Variants in UBN1 observed in about 807,000 individuals in gnomAD.
UBN1 encodes the protein ubinuclein-1.
UBN1 carries 17 observed loss-of-function variants against 108.5 expected under a neutral mutation model. The ratio of observed to expected loss-of-function variants is 0.16; its 90% CI spans 0.11 to 0.24. The LOEUF is 0.24. Among genes scored for constraint, UBN1 ranks in the 10% least tolerant of loss-of-function variants. The pLI is 1.00. For synonymous variants in UBN1, 726 were observed against 564.2 expected, an observed-to-expected ratio of 1.29 and a Z score of -4.07; for missense variants, 1,595 against 1,394.4, an observed-to-expected ratio of 1.14 and a Z score of -2.29.
At position 4,853,059 on chromosome 16, in the gene UBN1, A is replaced by G; in HGVS notation, c.142A>G (p.Thr48Ala). ...GCCGGCTGCAGCAGCTGTTCGGATTACACTCACCCTCTTTGAACCAGATCA... is the reference window on the plus strand; with the variant it reads ...GCCGGCTGCAGCAGCTGTTCGGATTGCACTCACCCTCTTTGAACCAGATCA... ...CEPAAAAVRITLTLFEPDHKR... is the reference protein window; with the variant it reads ...CEPAAAAVRIALTLFEPDHKR... Residue 48 changes from threonine to alanine, a missense_variant, in exon 2 of 18, where the codon ACA (threonine) becomes GCA (alanine). Around this residue, in one of 3 missense-constraint regions of UBN1, gnomAD observed 181 missense variants for 157.3 expected, o/e 1.15. Transcript: ENST00000262376. 1.9e-6 allele frequency: 3 copies of G among 1,614,234 alleles called. No homozygotes were observed. The highest frequency in any genetic ancestry group is 2.2e-5 in the East Asian group (1 of 44,884).
At position 4,877,242 on chromosome 16, in the gene UBN1, G is replaced by A. The variant is rs2087926064; in HGVS notation, c.3265+131G>A. 5 of 1,513,466 alleles carry A rather than the reference G, an allele frequency of 3.3e-6. No homozygotes were observed. In the Admixed American group the frequency reaches 6.1e-5, roughly 19 times the overall value. 93.8% of individuals were successfully genotyped at this position (1,513,466 alleles called of 1,614,324 possible). A position where few individuals can be genotyped will look rare whatever the true frequency, so the allele number is the denominator to read the frequency against. On this transcript the variant is annotated intron_variant, in intron 16 of 17. Transcript: ENST00000262376. This position sits in a 1 kb window ranked among gnomAD's most constrained non-coding sequence, Gnocchi z 4.3. ...TGTGGGGAACATCTCCGGGAACTGT[G>A]CCAAGCCCCCACTGCCCCTTTGGGT...
chr16:4,870,555 G>T lies in UBN1; in HGVS notation c.1351G>T (p.Ala451Ser). ...GGAGCCTCTCCAGAAGCTCAAGGAAGCCATTGGCAGGGCGATGCCAGAGCA... is the reference window on the plus strand; with the variant it reads ...GGAGCCTCTCCAGAAGCTCAAGGAATCCATTGGCAGGGCGATGCCAGAGCA... Reference protein sequence around the residue: ...LKEPLQKLKEAIGRAMPEQMA... With the variant: ...LKEPLQKLKESIGRAMPEQMA... Residue 451 changes from alanine (A) to serine (S), a missense_variant, in exon 10 of 18, where the codon GCC becomes TCC. Ala to Ser is a moderately conservative substitution (Grantham distance 99, BLOSUM62 1). Coordinates refer to ENST00000262376, the MANE Select transcript of UBN1 (RefSeq NM_001079514.3). The T allele has an allele frequency of 6.2e-7, 1 of 1,614,268 alleles. No individual in the cohort carries two copies. The highest frequency in any genetic ancestry group is 8.5e-7 in the Non-Finnish European group (1 of 1,180,048).
Position 4,859,903 on chromosome 16 carries a change from G to A in UBN1, c.606G>A (p.Lys202=). The part of the protein sequence containing the change: ...KLKEGGEKIK[K]KKKDDTYDKE... ...AGGAAGGTGGTGAGAAGATAAAGAA[G>A]AAGAAAAAAGATGACACTTATGACA... Residue 202 remains lysine, a synonymous_variant, in exon 6 of 18, where the codon AAG becomes AAA. Coordinates refer to ENST00000262376, the MANE Select transcript of UBN1 (RefSeq NM_001079514.3). 1 of 1,614,148 alleles carries A rather than the reference G, an allele frequency of 6.2e-7. No individual in the cohort carries two copies. The highest frequency in any genetic ancestry group is 8.5e-7 in the Non-Finnish European group (1 of 1,180,016).
In UBN1 at chr16:4,851,976, G is replaced by A. The variant is rs960498078; in HGVS notation, c.-39-903G>A. Among the ~76,000 whole-genome samples the A allele has an allele frequency of 3.5e-4, 53 of 152,130 alleles. 1 individual carries two copies. The highest frequency in any genetic ancestry group is 2.7e-3 in the Admixed American group (41 of 15,268). ...ATAATTTATGTATAATATCAAGAGCGCTTACAAGTCAATAAGAAAGTCACA... is the reference window on the plus strand; with the variant it reads ...ATAATTTATGTATAATATCAAGAGCACTTACAAGTCAATAAGAAAGTCACA... On this transcript the variant is annotated intron_variant, in intron 1 of 17. Transcript: ENST00000262376.
At position 4,877,545 on chromosome 16, in the gene UBN1, C is replaced by T. The variant is rs13332063; in HGVS notation, c.3355+71C>T. The T allele has an allele frequency of 1.2e-3, 1,772 of 1,501,030 alleles. 24 individuals carry two copies. In the African/African-American group the frequency reaches 0.022, roughly 19 times the overall value. The allele number at this position is 1,501,030 out of a possible 1,614,324, so 93.0% of individuals were successfully genotyped here. Reference sequence around the variant, plus strand: ...CCCTCTCCACCCCTAGGTGCTTTGCCGCTGCCAAGGGTCTTGGTGTCTTTG... The same window carrying T: ...CCCTCTCCACCCCTAGGTGCTTTGCTGCTGCCAAGGGTCTTGGTGTCTTTG... On this transcript the variant is annotated intron_variant, in intron 17 of 17. Coordinates refer to ENST00000262376, the MANE Select transcript of UBN1 (RefSeq NM_001079514.3). The surrounding 1 kb of genome is among the most constrained non-coding windows in gnomAD (Gnocchi z 4.3).
At chr16:4,862,606 G>A (rs8061479) in intron 7 of UBN1, among the ~76,000 whole-genome samples, 6,994 of 152,242 alleles carry the variant, frequency 0.046, 275 homozygotes, top group African/African-American at 0.1. Context: ...TGAAAGTCTT[G>A]TTAAATCATT....
rs528930954 is a variant in UBN1 at position 4,853,565 on chromosome 16, T to C, written c.249+399T>C. Reference sequence around the variant, plus strand: ...ACTGCCTTTTTTTTTTTCTTTCTTTTTTTTTTTTTCGAGACCGAGTCTCGC... The same window carrying C: ...ACTGCCTTTTTTTTTTTCTTTCTTTCTTTTTTTTTCGAGACCGAGTCTCGC... On this transcript the variant is annotated intron_variant, in intron 2 of 17. Coordinates refer to ENST00000262376, the MANE Select transcript of UBN1 (RefSeq NM_001079514.3). 2.3e-3 allele frequency among the ~76,000 whole-genome samples: 350 copies of C among 151,766 alleles called. 5 individuals are homozygous for C. In the Middle Eastern group the frequency reaches 0.027, roughly 12 times the overall value.
At chr16:4,854,165 C>A (rs2086685389) in intron 2 of UBN1, among the ~76,000 whole-genome samples, 1 of 152,072 alleles carries the variant, frequency 6.6e-6, no homozygotes, top group Admixed American at 6.6e-5. Context: ...TCCCGAGTAG[C>A]TGGGAGTGCA....
Position 4,858,001 on chromosome 16 carries a change from G to T in UBN1, c.261G>T (p.Leu87=), listed in dbSNP as rs1376477546. Residue 87 remains leucine, a synonymous_variant, in exon 3 of 18, where the codon CTG becomes CTT. Coordinates refer to ENST00000262376, the MANE Select transcript of UBN1 (RefSeq NM_001079514.3). ...CGATCTCTTTACAGAAGAAAGATCTGTCAGATCCTTTCAATGACGAAGAAA... is the reference window on the plus strand; with the variant it reads ...CGATCTCTTTACAGAAGAAAGATCTTTCAGATCCTTTCAATGACGAAGAAA... ...GLQPGDKKKD[L]SDPFNDEEKE... 3 of 1,612,442 alleles carry T rather than the reference G, an allele frequency of 1.9e-6. No homozygotes were observed. The highest frequency in any genetic ancestry group is 2.2e-5 in the South Asian group (2 of 90,974).
In UBN1 at chr16:4,860,976, C is replaced by T. The variant is rs918135985; in HGVS notation, c.984C>T (p.Pro328=). 1.2e-5 allele frequency: 20 copies of T among 1,614,266 alleles called. No individual in the cohort carries two copies. Among genetic ancestry groups the T allele is most frequent in the Non-Finnish European group, 1.2e-5 (14 of 1,180,052 alleles). ...TCAGTGAGTCTCCAGAAGGAAGTCC[C>T]TTCCGAGATATGGATGATGGAAGTG... The part of the protein sequence containing the change: ...HLLSESPEGS[P]FRDMDDGSDS... Residue 328 remains proline, a synonymous_variant, in exon 7 of 18, where the codon CCC becomes CCT. Coordinates refer to ENST00000262376, the MANE Select transcript of UBN1 (RefSeq NM_001079514.3).
chr16:4,868,470 G>A (rs894734814), intron 7 of UBN1, among the ~76,000 whole-genome samples: 1 of 152,274 alleles, frequency 6.6e-6, no homozygotes, highest in Non-Finnish European at 1.5e-5. Flanking sequence ...GAATATTTTT[G>A]TACTGTAGAT....
Position 4,853,038 on chromosome 16 carries a change from G to T in UBN1, c.121G>T (p.Ala41Ser). ...AGEQHQDCEP[A>S]AAAVRITLTL... Reference sequence around the variant, plus strand: ...AGAACAGCATCAGGACTGTGAGCCGGCTGCAGCAGCTGTTCGGATTACACT... The same window carrying T: ...AGAACAGCATCAGGACTGTGAGCCGTCTGCAGCAGCTGTTCGGATTACACT... Residue 41 changes from alanine to serine, a missense_variant, in exon 2 of 18, where the codon GCT (alanine) becomes TCT (serine). This residue lies in a region of UBN1 where 181 missense variants were observed against 157.3 expected (regional missense o/e 1.15). Transcript: ENST00000262376. The T allele has an allele frequency of 3.7e-6, 6 of 1,614,234 alleles. No individual in the cohort carries two copies. Among genetic ancestry groups the T allele is most frequent in the Non-Finnish European group, 5.1e-6 (6 of 1,180,044 alleles).
chr16:4,858,079 A>C lies in UBN1; in HGVS notation c.336+3A>C. 3 of 1,600,506 alleles carry C rather than the reference A, an allele frequency of 1.9e-6. No homozygotes were observed. Among genetic ancestry groups the C allele is most frequent in the Non-Finnish European group, 8.6e-7 (1 of 1,168,846 alleles). On this transcript the variant is annotated splice_donor_region_variant and intron_variant, in intron 3 of 17. Transcript: ENST00000262376. ...CCCGAAAATTTGAAGAAAAATACGT[A>C]AGATTTCTCTCTTGAATAACAAAAC...
chr16:4,870,747 T>C (rs933774901), intron 10 of UBN1, 97 bp from the exon 11 acceptor site: 2 of 1,589,248 alleles, frequency 1.3e-6, no homozygotes, highest in Non-Finnish European at 1.7e-6. Flanking sequence ...TCTTTGGCCT[T>C]TTCTCCTTCT....
chr16:4,855,968 TCTGATTGC>T (rs1035643249), intron 2 of UBN1, among the ~76,000 whole-genome samples: 1 of 152,138 alleles, frequency 6.6e-6, no homozygotes, highest in African/African-American at 2.4e-5. Flanking sequence ...TTGATTGAGA[TCTGATTGC>T]CTGATTGCCA....
In UBN1 at chr16:4,872,929, A is replaced by C; in HGVS notation, c.1752A>C (p.Ser584=). ...GACGAGGCCATGGGCACCTGACTTC[A>C]ATCCTGTGAGTGTCTTGGTATTTTC... ...ESRRGHGHLT[S]ILAKKKVMAP... is the part of the protein sequence containing the mutation. The change falls in exon 13 of 18, where the codon TCA becomes TCC. Residue 584 remains serine (S), a synonymous_variant. Coordinates refer to ENST00000262376, the MANE Select transcript of UBN1 (RefSeq NM_001079514.3). The C allele has an allele frequency of 1.2e-6, 2 of 1,614,188 alleles. No individual in the cohort carries two copies. The highest frequency in any genetic ancestry group is 1.7e-6 in the Non-Finnish European group (2 of 1,180,032).
chr16:4,868,976 G>C lies in UBN1; in HGVS notation c.1181+73G>C, dbSNP rs778909095. On this transcript the variant is annotated intron_variant, in intron 8 of 17. Coordinates refer to ENST00000262376, the MANE Select transcript of UBN1 (RefSeq NM_001079514.3). Reference sequence around the variant, plus strand: ...TGAGCTTGGGGCAAGCCAGCTAGGGGACAGTGGGAGTACAATTGAACTGCA... The same window carrying C: ...TGAGCTTGGGGCAAGCCAGCTAGGGCACAGTGGGAGTACAATTGAACTGCA... 2.3e-5 allele frequency: 34 copies of C among 1,505,480 alleles called. No homozygotes were observed. The Middle Eastern group carries it at 1.7e-3, about 76-fold the overall frequency. The allele number at this position is 1,505,480 out of a possible 1,614,324, so 93.3% of individuals were successfully genotyped here. A position where few individuals can be genotyped will look rare whatever the true frequency, so the allele number is the denominator to read the frequency against.
rs752673065 is a variant in UBN1, at chr16:4,874,578, C to T, written c.2168C>T (p.Pro723Leu). 2 of 1,614,220 alleles carry T rather than the reference C, an allele frequency of 1.2e-6. No individual in the cohort carries two copies. The highest frequency in any genetic ancestry group is 2.2e-5 in the East Asian group (1 of 44,884). The change falls in exon 15 of 18, where the codon CCT (proline) becomes CTT (leucine). Residue 723 changes from proline (P) to leucine (L), a missense_variant. Around this residue, in one of 3 missense-constraint regions of UBN1, gnomAD observed 1,398 missense variants for 1,194.7 expected, o/e 1.17. Coordinates refer to ENST00000262376, the MANE Select transcript of UBN1 (RefSeq NM_001079514.3). ...EEKRNFAKPS[P>L]SAPPPASSLQ... ...AAAAGGAACTTTGCGAAGCCTAGTC[C>T]TTCTGCTCCACCACCAGCTAGCTCT...
Position 4,867,801 on chromosome 16 carries a change from A to G in UBN1, c.1111-1032A>G, listed in dbSNP as rs779874230. On this transcript the variant is annotated intron_variant, in intron 7 of 17. Transcript: ENST00000262376. ...TGGTGAGGGGTTAGCAGTGTCTGCAATTTCAGAGGGGTTGATCCCTTCATT... is the reference window on the plus strand; with the variant it reads ...TGGTGAGGGGTTAGCAGTGTCTGCAGTTTCAGAGGGGTTGATCCCTTCATT... 7.4e-4 allele frequency among the ~76,000 whole-genome samples: 113 copies of G among 152,104 alleles called. 1 individual carries two copies. The Middle Eastern group carries it at 0.024, about 32-fold the overall frequency.
Sources: allele counts gnomAD v4.1 joint callset (sites outside exome capture counted in the v4.1 genomes callset), GRCh38; gene constraint gnomAD v4.1.1; regional missense constraint gnomAD v4.1.1; non-coding constraint Gnocchi (gnomAD v3.1); transcripts MANE v1.5; gene names NCBI Gene and HGNC (gene_info 2026-07-23, HGNC 2026-07-21).